The following SLCO3A1 variants were observed in gnomAD, a reference collection of about 807,000 sequenced individuals.
The protein encoded by SLCO3A1 is PGE1 transporter.
SLCO3A1 carries 27 observed loss-of-function variants against 63.1 expected under a neutral mutation model. The observed-to-expected ratio is 0.43, with a 90% confidence interval of 0.32 to 0.59. The LOEUF is 0.59. Ranked by LOEUF, SLCO3A1 falls within the 20% of genes least tolerant of loss-of-function variation. The probability of loss-of-function intolerance (pLI) is 0.09; values close to 1 mark genes in which losing one functional copy is unlikely to be tolerated. For missense variants in SLCO3A1, 773 were observed against 945.8 expected (o/e 0.82, Z 2.40); for synonymous variants, 473 against 409.9 (o/e 1.15, Z -1.86).
At chr15:92,111,823 G>A (rs191880962) in intron 4 of SLCO3A1, among the ~76,000 whole-genome samples, 89 of 152,278 alleles carry the variant, frequency 5.8e-4, no homozygotes, top group Middle Eastern at 6.8e-3. Context: ...CCCAATGAGG[G>A]TCCCTTGAGA....
rs770742980 is a variant in SLCO3A1 at position 92,150,901 on chromosome 15, G to GA, written c.1689-47dup. 1.3e-4 allele frequency: 183 copies of GA among 1,382,538 alleles called. 1 individual carries two copies. In the African/African-American group the frequency reaches 2.3e-3, roughly 17 times the overall value. 85.6% of individuals were successfully genotyped at this position (1,382,538 alleles called of 1,614,324 possible). On this transcript the variant is annotated intron_variant, in intron 8 of 9. Transcript: ENST00000318445. ...ACTCTGGGGTCTGTTAATTACAGGG[G>GA]AATGATAAAAATCTGGTTTTTTTTT...
chr15:91,956,969 T>TATATATTATATATATA (rs1567037034), intron 2 of SLCO3A1, among the ~76,000 whole-genome samples: 13 of 20,372 alleles, frequency 6.4e-4, no homozygotes, highest in Middle Eastern at 0.023. Flanking sequence ...TTTATATATA[T>TATATATTATATATATA]ATATATAGTA....
chr15:92,015,483 C>A (rs1255541600), intron 2 of SLCO3A1, among the ~76,000 whole-genome samples: 1 of 152,066 alleles, frequency 6.6e-6, no homozygotes, highest in East Asian at 1.9e-4. Flanking sequence ...ACGAGAACAG[C>A]ATGGGGGAAA....
At chr15:92,116,626 C>T (rs1011468181) in intron 4 of SLCO3A1, among the ~76,000 whole-genome samples, 1 of 152,224 alleles carries the variant, frequency 6.6e-6, no homozygotes, top group African/African-American at 2.4e-5. Flanking sequence ...TAGCTGCTGC[C>T]TCCTTAAAAA....
intron 2 of SLCO3A1, among the ~76,000 whole-genome samples, chr15:92,050,132 A>G (rs780975283): frequency 6.6e-6 from 1 of 152,212 alleles, no homozygotes; most frequent in Non-Finnish European, 1.5e-5. Flanking sequence ...CAAACAAATA[A>G]GCATGGCCTT....
chr15:91,961,160 C>A (rs1375167873), intron 2 of SLCO3A1, among the ~76,000 whole-genome samples: 2 of 152,208 alleles, frequency 1.3e-5, no homozygotes, highest in South Asian at 4.1e-4. Flanking sequence ...TTATCTCATT[C>A]TAGTCAATTT....
At chr15:92,127,995 C>G (rs1290183603) in intron 6 of SLCO3A1, among the ~76,000 whole-genome samples, 1 of 152,138 alleles carries the variant, frequency 6.6e-6, no homozygotes, top group Non-Finnish European at 1.5e-5. Context: ...TGGCCCTGAG[C>G]AGTCCCAACT....
At chr15:92,111,804 G>A (rs536259067) in intron 4 of SLCO3A1, among the ~76,000 whole-genome samples, 2 of 152,278 alleles carry the variant, frequency 1.3e-5, no homozygotes, top group South Asian at 4.1e-4. Context: ...TAATTAGAAG[G>A]CAGCATTTCC....
intron 2 of SLCO3A1, among the ~76,000 whole-genome samples, chr15:92,050,005 C>T (rs1271859656): frequency 6.6e-6 from 1 of 152,156 alleles, no homozygotes; most frequent in Non-Finnish European, 1.5e-5. Context: ...CCAGCAGGCC[C>T]CTAGATGCCC....
At chr15:92,065,768 C>A (rs966682523) in intron 2 of SLCO3A1, among the ~76,000 whole-genome samples, 1 of 152,108 alleles carries the variant, frequency 6.6e-6, no homozygotes, top group African/African-American at 2.4e-5. Flanking sequence ...ACTCATTTTA[C>A]GTGCACATTT....
chr15:91,871,493 C>G (rs1399633635), intron 1 of SLCO3A1, among the ~76,000 whole-genome samples: 1 of 152,182 alleles, frequency 6.6e-6, no homozygotes, highest in African/African-American at 2.4e-5. Flanking sequence ...ACGGTTTATG[C>G]ATCATCTCAT....
At chr15:91,980,318 CA>C (rs1219858876) in intron 2 of SLCO3A1, among the ~76,000 whole-genome samples, 1 of 151,848 alleles carries the variant, frequency 6.6e-6, no homozygotes, top group Non-Finnish European at 1.5e-5. Context: ...AGAGGTAACA[CA>C]GGATATTAAT....
intron 2 of SLCO3A1, among the ~76,000 whole-genome samples, chr15:91,962,146 G>A (rs1900470993): frequency 6.6e-6 from 1 of 152,142 alleles, no homozygotes; most frequent in Non-Finnish European, 1.5e-5. Context: ...ACTGCAGCGG[G>A]AGGTAGCATA....
chr15:91,908,344 GT>G (rs752765346), intron 1 of SLCO3A1, among the ~76,000 whole-genome samples: 2 of 152,094 alleles, frequency 1.3e-5, no homozygotes, highest in African/African-American at 2.4e-5. Flanking sequence ...CCATTTATAT[GT>G]GAACATGATC....
intron 2 of SLCO3A1, among the ~76,000 whole-genome samples, chr15:92,009,217 T>C (rs1393686863): frequency 6.6e-6 from 1 of 152,162 alleles, no homozygotes; most frequent in Non-Finnish European, 1.5e-5. Flanking sequence ...TCTGCCTCAC[T>C]CACCATCAGA....
chr15:91,947,256 G>A (rs1039071506), intron 2 of SLCO3A1, among the ~76,000 whole-genome samples: 5 of 152,156 alleles, frequency 3.3e-5, no homozygotes, highest in East Asian at 1.9e-4. Context: ...CGTCTTTTCC[G>A]AGGCTCTGTG....
chr15:92,016,731 A>C (rs1370132965), intron 2 of SLCO3A1, among the ~76,000 whole-genome samples: 1 of 152,218 alleles, frequency 6.6e-6, no homozygotes, highest in Non-Finnish European at 1.5e-5. Flanking sequence ...ATGAGGAAGA[A>C]GACCACAAAG....
intron 1 of SLCO3A1, among the ~76,000 whole-genome samples, chr15:91,873,313 G>A (rs1897321275): frequency 6.6e-6 from 1 of 152,168 alleles, no homozygotes; most frequent in African/African-American, 2.4e-5. Flanking sequence ...TGTGTGGAGT[G>A]TTCAGCCAGT....
At chr15:92,001,300 TGG>T (rs2046252205) in intron 2 of SLCO3A1, among the ~76,000 whole-genome samples, 1 of 152,136 alleles carries the variant, frequency 6.6e-6, no homozygotes, top group African/African-American at 2.4e-5. Context: ...AATGCCTCAA[TGG>T]GCAAGGCATC....
Sources: allele counts gnomAD v4.1 joint callset (sites outside exome capture counted in the v4.1 genomes callset), GRCh38; gene constraint gnomAD v4.1.1; transcripts MANE v1.5; gene names NCBI Gene and HGNC (gene_info 2026-07-23, HGNC 2026-07-21).